Variants in SLC47A2 observed in about 807,000 individuals in gnomAD.
SLC47A2 encodes the protein solute carrier family 47 member 2, also known as multidrug and toxin extrusion protein 2.
Under a neutral mutation model 67.7 loss-of-function variants are expected in SLC47A2, and 52 were observed. That is an observed-to-expected ratio of 0.77 (90% CI 0.61 to 0.97). The LOEUF (loss-of-function observed/expected upper bound fraction) is 0.97. Among genes scored for constraint, SLC47A2 ranks in the 50% least tolerant of loss-of-function variants. SLC47A2 has a pLI of 0.00. For synonymous variants in SLC47A2, 278 were observed against 292.9 expected (o/e 0.95, Z 0.52); for missense variants, 676 against 712.3 (o/e 0.95, Z 0.58).
intron 5 of SLC47A2, among the ~76,000 whole-genome samples, chr17:19,709,480 C>A (rs539171609): frequency 6.6e-6 from 1 of 152,090 alleles, no homozygotes; most frequent in Admixed American, 6.6e-5. Context: ...TGGAATAGAC[C>A]GGGTTTAATT....
At chr17:19,686,030 G>A (rs1418374733) in intron 13 of SLC47A2, among the ~76,000 whole-genome samples, 1 of 152,172 alleles carries the variant, frequency 6.6e-6, no homozygotes, top group Non-Finnish European at 1.5e-5. Context: ...GGAGGCAAAA[G>A]CAAAAGACCT....
intron 9 of SLC47A2, 134 bp downstream of exon 9, chr17:19,706,514 C>T: frequency 3.0e-6 from 2 of 676,686 alleles, no homozygotes; most frequent in Middle Eastern, 3.2e-4. Context: ...GCCAGTGAAG[C>T]TGGAAGGGGG....
intron 11 of SLC47A2, 24 bp downstream of exon 11, chr17:19,704,046 C>G: frequency 1.9e-6 from 3 of 1,570,036 alleles, no homozygotes; most frequent in Non-Finnish European, 2.6e-6. Context: ...GTTTGAAGGC[C>G]CACCAGGAGA....
At position 19,715,103 on chromosome 17, in the gene SLC47A2, G is replaced by C; in HGVS notation, c.225+13C>G. The stretch of plus-strand genomic sequence containing the variant: ...AGAGAACGTCCCTGCTCTGGGCCAA[G>C]CTGGGTACTCACGGCCACCGCGAGG... On this transcript the variant is annotated intron_variant, in intron 2 of 16. Coordinates refer to ENST00000433844, the MANE Select transcript of SLC47A2 (RefSeq NM_001099646.3). 1 of 1,610,222 alleles carries C rather than the reference G, an allele frequency of 6.2e-7. No individual in the cohort carries two copies. The highest frequency in any genetic ancestry group is 8.5e-7 in the Non-Finnish European group (1 of 1,179,394).
At chr17:19,710,483 G>T (rs991403212) in intron 5 of SLC47A2, among the ~76,000 whole-genome samples, 7 of 151,030 alleles carry the variant, frequency 4.6e-5, no homozygotes, top group African/African-American at 9.8e-5. Flanking sequence ...ACAGAGTTTC[G>T]CTCGTGTTGC....
chr17:19,694,082 G>A (rs2085605185), intron 13 of SLC47A2, among the ~76,000 whole-genome samples: 2 of 152,112 alleles, frequency 1.3e-5, no homozygotes, highest in South Asian at 2.1e-4. Flanking sequence ...AGAAGTATAA[G>A]ATTTGTCCAT....
intron 5 of SLC47A2, 141 bp downstream of exon 5, chr17:19,712,562 C>T (rs1485140961): frequency 1.4e-5 from 11 of 778,066 alleles, no homozygotes; most frequent in East Asian, 1.3e-4. Context: ...CCAACTGCAA[C>T]GGGAACTTTT....
In SLC47A2 at chr17:19,691,752, T is replaced by G. The variant is rs1271393427; in HGVS notation, c.1165-10082A>C. Among the ~76,000 whole-genome samples the G allele has an allele frequency of 2.0e-5, 3 of 152,216 alleles. No homozygotes were observed. The East Asian group carries it at 5.8e-4, about 29-fold the overall frequency. On this transcript the variant is annotated intron_variant, in intron 13 of 16. Coordinates refer to ENST00000433844, the MANE Select transcript of SLC47A2 (RefSeq NM_001099646.3). ...TTTTAAAATAAAAGTATAATTGGATTGATTGTAGCACAAAGAAATGATTAA... is the reference window on the plus strand; with the variant it reads ...TTTTAAAATAAAAGTATAATTGGATGGATTGTAGCACAAAGAAATGATTAA...
intron 13 of SLC47A2, among the ~76,000 whole-genome samples, chr17:19,687,422 C>T (rs112817542): frequency 0.014 from 2,167 of 151,932 alleles, 54 homozygotes; most frequent in African/African-American, 0.05. Context: ...TAGTCTGTGT[C>T]CTGTGAGGCC....
chr17:19,715,085 G>A lies in SLC47A2; in HGVS notation c.225+31C>T, dbSNP rs377677601. ...CGGTGGAGAAGCCTGGGGAGAGAAC[G>A]TCCCTGCTCTGGGCCAAGCTGGGTA... On this transcript the variant is annotated intron_variant, in intron 2 of 16. Transcript: ENST00000433844. The A allele has an allele frequency of 1.6e-5, 25 of 1,601,700 alleles. No individual in the cohort carries two copies. In the African/African-American group the frequency reaches 1.9e-4, roughly 12 times the overall value.
intron 5 of SLC47A2, among the ~76,000 whole-genome samples, chr17:19,710,958 C>T (rs778992392): frequency 4.6e-5 from 7 of 151,568 alleles, no homozygotes; most frequent in Non-Finnish European, 5.9e-5. Flanking sequence ...TTCAGGCATG[C>T]GCCACCACAC....
intron 16 of SLC47A2, among the ~76,000 whole-genome samples, chr17:19,679,227 A>G (rs1430620224): frequency 1.3e-5 from 2 of 152,194 alleles, no homozygotes; most frequent in East Asian, 3.9e-4. Context: ...ACAATTAATC[A>G]TGTCTTACCG....
At chr17:19,691,250 G>A (rs2085533846) in intron 13 of SLC47A2, among the ~76,000 whole-genome samples, 2 of 152,114 alleles carry the variant, frequency 1.3e-5, no homozygotes, top group African/African-American at 4.8e-5. Flanking sequence ...ATCCTGCTAG[G>A]TATATACTCA....
intron 13 of SLC47A2, among the ~76,000 whole-genome samples, chr17:19,699,368 T>C (rs1452866970): frequency 6.6e-6 from 1 of 152,144 alleles, no homozygotes; most frequent in East Asian, 1.9e-4. Context: ...ACCGTGACTT[T>C]TTAAAATTTT....
chr17:19,708,220 G>T, intron 7 of SLC47A2, 82 bp downstream of exon 7: 1 of 1,502,202 alleles, frequency 6.7e-7, no homozygotes. Flanking sequence ...GGGCCAGGAT[G>T]GTGACTGATC....
chr17:19,694,611 A>C (rs116957001), intron 13 of SLC47A2, among the ~76,000 whole-genome samples: 2,525 of 152,286 alleles, frequency 0.017, 32 homozygotes, highest in Middle Eastern at 0.034. Flanking sequence ...TATTATACAC[A>C]AAAATGAACT....
rs754298330 is a variant in SLC47A2, at chr17:19,715,221, G to A, written c.124-4C>T. The A allele has an allele frequency of 5.6e-6, 9 of 1,607,750 alleles. No individual in the cohort carries two copies. The highest frequency in any genetic ancestry group is 7.6e-6 in the Non-Finnish European group (9 of 1,179,778). ...AAGTCAGCACCTGGAACAGGAACTG[G>A]AGGACAGCGGCCAGGTCAGACTCGG... On this transcript the variant is annotated splice_polypyrimidine_tract_variant and splice_region_variant and intron_variant, in intron 1 of 16. Coordinates refer to ENST00000433844, the MANE Select transcript of SLC47A2 (RefSeq NM_001099646.3).
chr17:19,709,560 A>C (rs146955588), intron 5 of SLC47A2, among the ~76,000 whole-genome samples: 400 of 152,228 alleles, frequency 2.6e-3, no homozygotes, highest in African/African-American at 9.5e-3. Context: ...TTGTCTCCTC[A>C]TCTGTAATGG....
chr17:19,690,831 C>T (rs1041774540), intron 13 of SLC47A2, among the ~76,000 whole-genome samples: 1 of 151,852 alleles, frequency 6.6e-6, no homozygotes, highest in Non-Finnish European at 1.5e-5. Flanking sequence ...AAAGGGAACC[C>T]CCCTTGGCCG....
Sources: allele counts gnomAD v4.1 joint callset (sites outside exome capture counted in the v4.1 genomes callset), GRCh38; gene constraint gnomAD v4.1.1; transcripts MANE v1.5; gene names NCBI Gene and HGNC (gene_info 2026-07-23, HGNC 2026-07-21).